Variants in LITAF observed in about 807,000 individuals in gnomAD.
LITAF encodes the protein lipopolysaccharide-induced tumor necrosis factor-alpha factor.
Under a neutral mutation model 14.5 loss-of-function variants are expected in LITAF, and 9 were observed. The ratio of observed to expected loss-of-function variants is 0.62; its 90% CI spans 0.37 to 1.08. LITAF has a LOEUF of 1.08. LITAF is among the 50% of genes least tolerant of loss of function. LITAF has a pLI of 0.01. For synonymous variants in LITAF, 98 were observed against 88.2 expected (o/e 1.11, Z -0.62); for missense variants, 206 against 213.4 (o/e 0.97, Z 0.22).
chr16:11,570,962 G>A (rs1367548389), intron 1 of LITAF, among the ~76,000 whole-genome samples: 1 of 151,934 alleles, frequency 6.6e-6, no homozygotes, highest in Non-Finnish European at 1.5e-5. Context: ...GAAGGGGGAG[G>A]AAGGAGCCAT....
In LITAF at chr16:11,549,145, G is replaced by C. The variant is rs2064146355; in HGVS notation, c.*492C>G. The C allele has an allele frequency of 2.2e-6, 1 of 454,114 alleles. No individual in the cohort carries two copies. The highest frequency in any genetic ancestry group is 4.4e-6 in the Non-Finnish European group (1 of 226,798). 28.1% of individuals were successfully genotyped at this position (454,114 alleles called of 1,614,324 possible). On this transcript the variant is annotated 3_prime_UTR_variant, in exon 4 of 4. Coordinates refer to ENST00000622633, the MANE Select transcript of LITAF (RefSeq NM_001136472.2). The surrounding 1 kb of genome is among the most constrained non-coding windows in gnomAD (Gnocchi z 4.6). ...AAGCCAAGCCTGTAAAGTCTGTAAG[G>C]CAAGATCTTTGTCATCAGGGACGGG... is the stretch of plus-strand genomic sequence containing the variant.
chr16:11,612,898 G>A lies in LITAF; in HGVS notation c.85+20635C>T, dbSNP rs142540235. Among the ~76,000 whole-genome samples, 15 of 152,298 alleles carry A rather than the reference G, an allele frequency of 9.8e-5. No individual in the cohort carries two copies. In the East Asian group the frequency reaches 2.9e-3, roughly 29 times the overall value. On this transcript the variant is annotated intron_variant, in intron 3 of 3. Transcript: ENST00000574848. ...GCTCCTGAAGACTTGTGGGAACCCT[G>A]TGTCCCCCTAGAATCTTGACCTCCC...
chr16:11,622,168 G>A (rs1051172314), intron 3 of LITAF, among the ~76,000 whole-genome samples: 1 of 152,226 alleles, frequency 6.6e-6, no homozygotes, highest in African/African-American at 2.4e-5. Context: ...GGTGGGGACA[G>A]CTCAGAGGAG....
At chr16:11,618,494 T>C (rs1218212812) in intron 3 of LITAF, among the ~76,000 whole-genome samples, 3 of 152,210 alleles carry the variant, frequency 2.0e-5, no homozygotes, top group South Asian at 4.1e-4. Context: ...CTGAATTGAA[T>C]TGCTGGCCAT....
Position 11,580,181 on chromosome 16 carries a change from G to A in LITAF, c.-6+6705C>T, listed in dbSNP as rs761481851. 2.6e-5 allele frequency among the ~76,000 whole-genome samples: 4 copies of A among 152,014 alleles called. 1 individual carries two copies. Among genetic ancestry groups the A allele is most frequent in the South Asian group, 4.1e-4 (2 of 4,830 alleles). On this transcript the variant is annotated intron_variant, in intron 1 of 3. Transcript: ENST00000622633. ...AAGATCCAAAATCTGAAACACTTCC[G>A]GTCCCAAGCATTTCAGAGAAGAGAT...
intron 1 of LITAF, chr16:11,636,226 G>T (rs1178841307): frequency 6.6e-6 from 1 of 152,224 alleles, no homozygotes; most frequent in Admixed American, 6.5e-5. Context: ...CAGCGTCGTT[G>T]TCTGGGGTAA....
upstream of LITAF, among the ~76,000 whole-genome samples, chr16:11,637,497 T>C (rs2065142524): frequency 6.6e-6 from 1 of 152,228 alleles, no homozygotes; most frequent in Non-Finnish European, 1.5e-5. Context: ...TGGGCTCACC[T>C]ATGGCCTGGT....
intron 1 of LITAF, among the ~76,000 whole-genome samples, chr16:11,578,153 C>A (rs933919606): frequency 6.6e-6 from 1 of 152,160 alleles, no homozygotes; most frequent in Admixed American, 6.5e-5. Context: ...CCCGCCTCAG[C>A]CTCCAAAACT....
At chr16:11,599,251 G>C (rs943596256), upstream of LITAF, among the ~76,000 whole-genome samples, 1 of 151,824 alleles carries the variant, frequency 6.6e-6, no homozygotes, top group South Asian at 2.1e-4. Flanking sequence ...CTGGGTAGCT[G>C]GGATTACAGG....
At chr16:11,568,607 A>G (rs77237901) in intron 1 of LITAF, among the ~76,000 whole-genome samples, 15,196 of 151,836 alleles carry the variant, frequency 0.1, 823 homozygotes, top group Middle Eastern at 0.15. Context: ...GAAAGGGGAC[A>G]TCGAGTTGCT....
In LITAF at chr16:11,566,528, C is replaced by T. The variant is rs1597342733; in HGVS notation, c.-5-9793G>A. Among the ~76,000 whole-genome samples, 3 of 152,158 alleles carry T rather than the reference C, an allele frequency of 2.0e-5. No homozygotes were observed. In the East Asian group the frequency reaches 5.8e-4, roughly 29 times the overall value. On this transcript the variant is annotated intron_variant, in intron 1 of 3. Coordinates refer to ENST00000622633, the MANE Select transcript of LITAF (RefSeq NM_001136472.2). ...CCTGAAATCCCAACACTTTGGGAGG[C>T]CAAGGCAGAAGGATCGCTTGAGCCT...
chr16:11,610,421 A>T (rs939437279), intron 3 of LITAF, among the ~76,000 whole-genome samples: 2 of 151,418 alleles, frequency 1.3e-5, no homozygotes, highest in African/African-American at 4.8e-5. Context: ...GGAAATCTTT[A>T]TTCTGGTCCT....
At chr16:11,556,446 A>C in intron 2 of LITAF, 65 bp downstream of exon 2, 1 of 1,422,038 alleles carries the variant, frequency 7.0e-7, no homozygotes, top group Non-Finnish European at 9.7e-7. Flanking sequence ...CACTTCGGTC[A>C]CTCTCCTGAT....
chr16:11,619,009 A>ACAAG, intron 3 of LITAF, among the ~76,000 whole-genome samples: 1 of 149,658 alleles, frequency 6.7e-6, no homozygotes, highest in Non-Finnish European at 1.5e-5. Context: ...AAACAAACAA[A>ACAAG]CAAAAAAAAC....
chr16:11,582,999 G>A (rs1048445291), intron 1 of LITAF, among the ~76,000 whole-genome samples: 3 of 152,242 alleles, frequency 2.0e-5, no homozygotes, highest in South Asian at 2.1e-4. Context: ...TGAATGGTGC[G>A]TCTTAAGCCA....
chr16:11,618,799 A>G (rs2065032325), intron 3 of LITAF, among the ~76,000 whole-genome samples: 2 of 152,008 alleles, frequency 1.3e-5, no homozygotes, highest in African/African-American at 4.8e-5. Flanking sequence ...CCTGGCTAAC[A>G]TGGTGAAACC....
At chr16:11,591,893 G>C (rs1056782876), upstream of LITAF, among the ~76,000 whole-genome samples, 4 of 152,162 alleles carry the variant, frequency 2.6e-5, no homozygotes, top group African/African-American at 9.7e-5. Context: ...CCAGCTGAGA[G>C]TCTTTCTGAC....
intron 3 of LITAF, among the ~76,000 whole-genome samples, chr16:11,626,933 C>G (rs1410611534): frequency 6.6e-6 from 1 of 152,008 alleles, no homozygotes; most frequent in Non-Finnish European, 1.5e-5. Context: ...GCCTCTACCT[C>G]CCGGGCTCAG....
At chr16:11,552,203 A>C (rs1476980273) in intron 3 of LITAF, among the ~76,000 whole-genome samples, 1 of 152,222 alleles carries the variant, frequency 6.6e-6, no homozygotes, top group Non-Finnish European at 1.5e-5. Context: ...CGTTTCCTTC[A>C]AGGAAAAGAA....
Sources: allele counts gnomAD v4.1 joint callset (sites outside exome capture counted in the v4.1 genomes callset), GRCh38; gene constraint gnomAD v4.1.1; non-coding constraint Gnocchi (gnomAD v3.1); transcripts MANE v1.5; gene names NCBI Gene and HGNC (gene_info 2026-07-23, HGNC 2026-07-21).